The following WNK1 variants were observed in gnomAD, a reference collection of about 807,000 sequenced individuals.
WNK1 encodes WNK lysine deficient protein kinase 1, also known as serine/threonine-protein kinase WNK1.
WNK1 carries 38 observed loss-of-function variants against 222.8 expected under a neutral mutation model. The ratio of observed to expected loss-of-function variants is 0.17; its 90% CI spans 0.13 to 0.22. The LOEUF (loss-of-function observed/expected upper bound fraction) is 0.22. Ranked by LOEUF, WNK1 falls within the 10% of genes least tolerant of loss-of-function variation. The probability of loss-of-function intolerance (pLI) is 1.00; values close to 1 mark genes in which losing one functional copy is unlikely to be tolerated. For missense variants in WNK1, 2,348 were observed against 2,918.4 expected (o/e 0.80, Z 4.50); for synonymous variants, 1,090 against 1,092.9 (o/e 1.00, Z 0.05).
intron 9 of WNK1, 89 bp from the exon 10 acceptor site, chr12:878,123 G>T: frequency 1.3e-6 from 2 of 1,513,834 alleles, no homozygotes; most frequent in Non-Finnish European, 1.8e-6. Context: ...ATTATTTACA[G>T]ACACTGAAGG....
Position 885,346 on chromosome 12 carries a change from T to A in WNK1, c.4542T>A (p.Ser1514=). 6.2e-7 allele frequency: 1 copy of A among 1,614,092 alleles called. No homozygotes were observed. The highest frequency in any genetic ancestry group is 8.5e-7 in the Non-Finnish European group (1 of 1,180,004). ...GCATTCAGCTTAGCAGCAGTACTTC[T>A]ACTCCTACTTTAGCTGAAACCGTGG... is the stretch of plus-strand genomic sequence containing the variant. ...QLCIQLSSST[S]TPTLAETVVV... Residue 1514 remains serine, a synonymous_variant, in exon 19 of 28, where the codon TCT becomes TCA. Transcript: ENST00000315939.
intron 27 of WNK1, chr12:908,255 G>A (rs890074642): frequency 1.7e-5 from 13 of 760,894 alleles, no homozygotes; most frequent in South Asian, 8.9e-5. Flanking sequence ...TTTTTCCTTC[G>A]TCATCCTCAA....
intron 2 of WNK1, among the ~76,000 whole-genome samples, chr12:821,526 G>A (rs1277194709): frequency 6.6e-6 from 1 of 152,202 alleles, no homozygotes; most frequent in South Asian, 2.1e-4. Context: ...TTGTTGGGCA[G>A]TGTGTTCTAA....
At chr12:864,110 GTTT>G (rs372936466) in intron 8 of WNK1, among the ~76,000 whole-genome samples, 2 of 124,568 alleles carry the variant, frequency 1.6e-5, no homozygotes, top group African/African-American at 6.0e-5. Context: ...ATTTTTTTAA[GTTT>G]TTTTTTTTTT....
Position 836,871 on chromosome 12 carries a change from C to CTCTGCATGGCATAAT in WNK1, c.1311+6711_1311+6712insTCTGCATGGCATAAT, listed in dbSNP as rs1949226383. Among the ~76,000 whole-genome samples the CTCTGCATGGCATAAT allele has an allele frequency of 2.0e-5, 3 of 151,982 alleles. No homozygotes were observed. The East Asian group carries it at 5.8e-4, about 29-fold the overall frequency. On this transcript the variant is annotated intron_variant, in intron 4 of 27. Coordinates refer to ENST00000315939, the MANE Select transcript of WNK1 (RefSeq NM_018979.4). ...TTGATTGATTCTCTGCATGGCATAA[C>CTCTGCATGGCATAAT]GTGCCAAGTCAGAGTATTAATCAGA...
At chr12:768,359 C>G (rs553138992) in intron 1 of WNK1, among the ~76,000 whole-genome samples, 1 of 152,268 alleles carries the variant, frequency 6.6e-6, no homozygotes, top group Admixed American at 6.5e-5. Context: ...TGGCCTAGAA[C>G]TCCTGACTTC....
intron 9 of WNK1, among the ~76,000 whole-genome samples, chr12:873,177 T>C (rs561792345): frequency 1.3e-5 from 2 of 152,352 alleles, no homozygotes; most frequent in Admixed American, 1.3e-4. Flanking sequence ...ACTGAGCAAA[T>C]TGTATGTGCT....
intron 1 of WNK1, among the ~76,000 whole-genome samples, chr12:768,843 C>T (rs1040789736): frequency 3.3e-5 from 5 of 151,680 alleles, no homozygotes; most frequent in Admixed American, 2.6e-4. Context: ...CGGAGTCTTG[C>T]TCTGTCACCA....
At chr12:893,893 T>G (rs562432963) in intron 22 of WNK1, among the ~76,000 whole-genome samples, 23 of 148,234 alleles carry the variant, frequency 1.6e-4, no homozygotes, top group Admixed American at 4.1e-4. Context: ...AGTGTTACAT[T>G]GAGAAAATAA....
rs571214179 is a variant in WNK1, at chr12:866,402, C to T, written c.2139+4132C>T. 7.0e-4 allele frequency among the ~76,000 whole-genome samples: 107 copies of T among 152,266 alleles called. 1 individual carries two copies. Among genetic ancestry groups the T allele is most frequent in the Admixed American group, 3.4e-3 (52 of 15,304 alleles). On this transcript the variant is annotated intron_variant, in intron 8 of 27. Transcript: ENST00000315939. ...TTTTGGAGATGGAATCTCGCTCTGT[C>T]GCCAGGCTGGAGTGCAGTGGCACGA... is the stretch of plus-strand genomic sequence containing the variant.
chr12:867,788 G>C (rs1459668341), intron 8 of WNK1: 2 of 1,516,622 alleles, frequency 1.3e-6, no homozygotes, highest in South Asian at 2.3e-5. Context: ...GGGTTACACA[G>C]AACTACCCAG....
At chr12:798,909 A>G (rs1034065929) in intron 1 of WNK1, among the ~76,000 whole-genome samples, 4 of 151,988 alleles carry the variant, frequency 2.6e-5, no homozygotes, top group African/African-American at 9.7e-5. Flanking sequence ...TTGTACGGGG[A>G]TGTTAAATAG....
At chr12:869,329 GA>G in intron 8 of WNK1, 2 of 602,284 alleles carry the variant, frequency 3.3e-6, no homozygotes, top group Non-Finnish European at 2.9e-6. Context: ...AAAACCAGTG[GA>G]AAAAACACAA....
chr12:768,148 T>G (rs1343405959), intron 1 of WNK1, among the ~76,000 whole-genome samples: 1 of 152,190 alleles, frequency 6.6e-6, no homozygotes, highest in Non-Finnish European at 1.5e-5. Context: ...CGTTTGTTTT[T>G]GAGGCAGAGT....
At chr12:880,298 C>T (rs1025165467) in intron 11 of WNK1, among the ~76,000 whole-genome samples, 2 of 152,176 alleles carry the variant, frequency 1.3e-5, no homozygotes, top group Admixed American at 1.3e-4. Flanking sequence ...AATAGTACAC[C>T]TGGCAACTTT....
chr12:846,546 A>G (rs554758351), intron 4 of WNK1, among the ~76,000 whole-genome samples: 1 of 152,318 alleles, frequency 6.6e-6, no homozygotes, highest in East Asian at 1.9e-4. Flanking sequence ...CTTGTTTTCC[A>G]ATGGGATCAT....
chr12:813,300 G>T (rs1947068195), intron 1 of WNK1, among the ~76,000 whole-genome samples: 1 of 152,206 alleles, frequency 6.6e-6, no homozygotes, highest in Non-Finnish European at 1.5e-5. Flanking sequence ...TCAAGGCAAA[G>T]ATAGAACTGG....
chr12:885,046 A>G lies in WNK1; in HGVS notation c.4242A>G (p.Ser1414=), dbSNP rs2154084109. The change falls in exon 19 of 28, where the codon TCA becomes TCG. Residue 1414 remains serine, a synonymous_variant. Coordinates refer to ENST00000315939, the MANE Select transcript of WNK1 (RefSeq NM_018979.4). ...SESPVLSSVV[S]SITIPAVVSI... Reference sequence around the variant, plus strand: ...CACCAGTACTTTCCAGCGTAGTTTCAAGTATCACAATACCTGCAGTTGTCT... The same window carrying G: ...CACCAGTACTTTCCAGCGTAGTTTCGAGTATCACAATACCTGCAGTTGTCT... 6.2e-7 allele frequency: 1 copy of G among 1,614,166 alleles called. No homozygotes were observed. The highest frequency in any genetic ancestry group is 8.5e-7 in the Non-Finnish European group (1 of 1,180,024).
chr12:800,947 A>G (rs904327226), intron 1 of WNK1, among the ~76,000 whole-genome samples: 1 of 152,052 alleles, frequency 6.6e-6, no homozygotes, highest in Admixed American at 6.5e-5. Flanking sequence ...GTTTTTAAAA[A>G]TCTCATGTCT....
Sources: allele counts gnomAD v4.1 joint callset (sites outside exome capture counted in the v4.1 genomes callset), GRCh38; gene constraint gnomAD v4.1.1; transcripts MANE v1.5; gene names NCBI Gene and HGNC (gene_info 2026-07-23, HGNC 2026-07-21).